Variants in MGAT1 observed in about 807,000 individuals in gnomAD.
The protein encoded by MGAT1 is alpha-1,3-mannosyl-glycoprotein 2-beta-N-acetylglucosaminyltransferase.
A neutral mutation model predicts 31.7 loss-of-function variants in MGAT1; 14 were observed. The observed-to-expected ratio is 0.44, with a 90% CI of 0.29 to 0.69. MGAT1 has a LOEUF of 0.69. Among genes scored for constraint, MGAT1 ranks in the 30% least tolerant of loss-of-function variants. MGAT1 has a pLI of 0.12. For synonymous variants in MGAT1, 338 were observed against 276.0 expected (o/e 1.22, Z -2.23); for missense variants, 557 against 626.0 (o/e 0.89, Z 1.18).
upstream of MGAT1, among the ~76,000 whole-genome samples, chr5:180,806,773 G>C (rs1207210489): frequency 2.6e-5 from 4 of 152,208 alleles, no homozygotes; most frequent in Non-Finnish European, 5.9e-5. Context: ...CGTGATAGAA[G>C]CATTACGCAA....
chr5:180,808,102 C>T (rs1046833882), intron 2 of MGAT1, among the ~76,000 whole-genome samples: 2 of 152,196 alleles, frequency 1.3e-5, no homozygotes, highest in Non-Finnish European at 2.9e-5. Flanking sequence ...CACAAGTACT[C>T]CTTCCTGACC....
In MGAT1 at chr5:180,789,244, A is replaced by G. The variant is rs1333655359; in HGVS notation, c.*2390T>C. The G allele has an allele frequency of 1.3e-5, 2 of 152,284 alleles. No homozygotes were observed. Among genetic ancestry groups the G allele is most frequent in the African/African-American group, 4.8e-5 (2 of 41,472 alleles). The allele number at this position is 152,284 out of a possible 1,614,324, so 9.4% of individuals were successfully genotyped here. ...TGCCACCATCTGGTGTCGAGCTCCA[A>G]AGTAGTTTCTGCCAAGAAAGTTGCC... On this transcript the variant is annotated 3_prime_UTR_variant, in exon 2 of 2. Coordinates refer to ENST00000307826, the MANE Select transcript of MGAT1 (RefSeq NM_002406.4).
At chr5:180,796,710 C>G (rs978336391) in intron 1 of MGAT1, among the ~76,000 whole-genome samples, 1 of 152,270 alleles carries the variant, frequency 6.6e-6, no homozygotes, top group South Asian at 2.1e-4. Flanking sequence ...CTCCCAGGCT[C>G]AAGCGACTCT....
At chr5:180,797,637 A>T (rs1159073776) in intron 1 of MGAT1, among the ~76,000 whole-genome samples, 1 of 152,124 alleles carries the variant, frequency 6.6e-6, no homozygotes, top group Non-Finnish European at 1.5e-5. Context: ...TGCAGAGCAA[A>T]CCAGTCTTCT....
At chr5:180,809,823 T>A (rs1343416041) in intron 1 of MGAT1, 3 of 127,792 alleles carry the variant, frequency 2.3e-5, no homozygotes, top group Admixed American at 1.6e-4. Context: ...CACACATCCA[T>A]CCACACACAC....
Position 180,792,558 on chromosome 5 carries a change from G to A in MGAT1, c.414C>T (p.Ile138=), listed in dbSNP as rs375561764. Residue 138 remains isoleucine, a synonymous_variant, in exon 2 of 2, where the codon ATC becomes ATT. Coordinates refer to ENST00000307826, the MANE Select transcript of MGAT1 (RefSeq NM_002406.4). The stretch of plus-strand genomic sequence containing the variant: ...CCTCGTGCCCGCAGTCCTGGCTAAC[G>A]ATGATGGGGAAGAGCTCAGCCGAGG... ...YRPSAELFPI[I]VSQDCGHEET... The A allele has an allele frequency of 5.6e-6, 9 of 1,612,574 alleles. No homozygotes were observed. The highest frequency in any genetic ancestry group is 6.8e-6 in the Non-Finnish European group (8 of 1,179,786).
chr5:180,791,982 C>G lies in MGAT1; in HGVS notation c.990G>C (p.Lys330Asn). ...CAAACTGCTGGTTCAGCTTGATAAA[C>G]TTGAGGTGCTGGTCAAAGAACTGCC... is the stretch of plus-strand genomic sequence containing the variant. ...SHGQFFDQHL[K>N]FIKLNQQFVH... The change falls in exon 2 of 2, where the codon AAG (lysine) becomes AAC (asparagine). Residue 330 changes from lysine to asparagine, a missense_variant. Physicochemically the swap from Lys to Asn is moderately conservative, Grantham distance 94. Around this residue, in one of 3 missense-constraint regions of MGAT1, gnomAD observed 245 missense variants for 332.9 expected, o/e 0.74. Coordinates refer to ENST00000307826, the MANE Select transcript of MGAT1 (RefSeq NM_002406.4). 6.2e-7 allele frequency: 1 copy of G among 1,614,212 alleles called. No individual in the cohort carries two copies. The highest frequency in any genetic ancestry group is 8.5e-7 in the Non-Finnish European group (1 of 1,180,050).
intron 1 of MGAT1, chr5:180,810,305 C>T (rs114287048): frequency 0.03 from 4,625 of 152,442 alleles, 117 homozygotes; most frequent in Non-Finnish European, 0.043. Flanking sequence ...ACCGCCACCA[C>T]GGGAGCGAGG....
chr5:180,801,073 G>C (rs1581873280), intron 1 of MGAT1, among the ~76,000 whole-genome samples: 1 of 152,216 alleles, frequency 6.6e-6, no homozygotes, highest in Admixed American at 6.5e-5. Flanking sequence ...AGGTGGCTCT[G>C]GGTAGGCGCC....
At chr5:180,798,982 T>C (rs1770104253) in intron 1 of MGAT1, among the ~76,000 whole-genome samples, 1 of 152,208 alleles carries the variant, frequency 6.6e-6, no homozygotes, top group Non-Finnish European at 1.5e-5. Flanking sequence ...CCTGAACTCA[T>C]TCCTTCGTAG....
chr5:180,806,278 C>G (rs941360666), upstream of MGAT1, among the ~76,000 whole-genome samples: 2 of 152,072 alleles, frequency 1.3e-5, no homozygotes, highest in African/African-American at 4.8e-5. Context: ...GAGCAAGACT[C>G]TGTCTCAAAA....
chr5:180,804,528 G>A (rs1361163763), upstream of MGAT1, among the ~76,000 whole-genome samples: 3 of 152,254 alleles, frequency 2.0e-5, no homozygotes, highest in Non-Finnish European at 4.4e-5. Flanking sequence ...CACTGTGGCA[G>A]GAGCCTCGAA....
chr5:180,791,911 T>C lies in MGAT1; in HGVS notation c.1061A>G (p.Tyr354Cys). ...LDLSYLQREA[Y>C]DRDFLARVYG... is the part of the protein sequence containing the mutation. ...GACGCGGGCGAGGAAATCTCGGTCA[T>C]AGGCCTCCCGCTGCAGGTAAGACAG... Residue 354 changes from tyrosine to cysteine, a missense_variant, in exon 2 of 2, where the codon TAT becomes TGT. Transcript: ENST00000307826. The C allele has an allele frequency of 6.2e-7, 1 of 1,614,188 alleles. No individual in the cohort carries two copies. The highest frequency in any genetic ancestry group is 8.5e-7 in the Non-Finnish European group (1 of 1,180,038).
At chr5:180,802,421 G>T (rs1380318544) in intron 1 of MGAT1, among the ~76,000 whole-genome samples, 1 of 152,084 alleles carries the variant, frequency 6.6e-6, no homozygotes, top group Admixed American at 6.5e-5. Flanking sequence ...ATCCTCCCCA[G>T]TCCGCGGAGC....
chr5:180,791,359 T>A lies in MGAT1; in HGVS notation c.*275A>T. On this transcript the variant is annotated 3_prime_UTR_variant, in exon 2 of 2. Coordinates refer to ENST00000307826, the MANE Select transcript of MGAT1 (RefSeq NM_002406.4). ...AGGAGAAAGCTCAGGACGTGGACAT[T>A]TCTGGCCCCAACAAGCCCAGTGCCC... 1.9e-6 allele frequency: 1 copy of A among 528,994 alleles called. No homozygotes were observed. The highest frequency in any genetic ancestry group is 3.4e-6 in the Non-Finnish European group (1 of 297,304). The allele number at this position is 528,994 out of a possible 1,614,324, so 32.8% of individuals were successfully genotyped here.
chr5:180,792,690 C>G lies in MGAT1; in HGVS notation c.282G>C (p.Gln94His). ...GRVPTAAPPAQPRVPVTPAPA... is the reference protein window; with the variant it reads ...GRVPTAAPPAHPRVPVTPAPA... ...GCGCGGGGGTCACAGGCACACGCGG[C>G]TGGGCGGGAGGGGCCGCGGTGGGCA... Residue 94 changes from glutamine to histidine, a missense_variant, in exon 2 of 2, where the codon CAG becomes CAC. Around this residue, in one of 3 missense-constraint regions of MGAT1, gnomAD observed 167 missense variants for 149.8 expected, o/e 1.11. Transcript: ENST00000307826. 2.6e-6 allele frequency: 4 copies of G among 1,561,164 alleles called. No individual in the cohort carries two copies. Among genetic ancestry groups the G allele is most frequent in the Non-Finnish European group, 3.5e-6 (4 of 1,155,060 alleles).
rs749985633 is a variant in MGAT1 at position 180,792,873 on chromosome 5, T to C, written c.99A>G (p.Ala33=). The C allele has an allele frequency of 2.5e-6, 4 of 1,586,878 alleles. No homozygotes were observed. Among genetic ancestry groups the C allele is most frequent in the Admixed American group, 1.8e-5 (1 of 55,698 alleles). ...LLLLFFWTRP[A]PGRPPSVSAL... Reference sequence around the variant, plus strand: ...CGCTGACTGAGGGTGGCCTGCCAGGTGCTGGGCGCGTCCAGAAGAAGAGGA... The same window carrying C: ...CGCTGACTGAGGGTGGCCTGCCAGGCGCTGGGCGCGTCCAGAAGAAGAGGA... Residue 33 remains alanine, a synonymous_variant, in exon 2 of 2, where the codon GCA becomes GCG. Coordinates refer to ENST00000307826, the MANE Select transcript of MGAT1 (RefSeq NM_002406.4).
rs1183965942 is a variant in MGAT1, at chr5:180,791,690, G to A, written c.1282C>T (p.Arg428Cys). The A allele has an allele frequency of 3.1e-6, 5 of 1,613,840 alleles. No individual in the cohort carries two copies. The highest frequency in any genetic ancestry group is 4.2e-6 in the Non-Finnish European group (5 of 1,180,000). The change falls in exon 2 of 2, where the codon CGT becomes TGT. Residue 428 changes from arginine to cysteine, a missense_variant. Arg to Cys is a radical substitution (Grantham distance 180, BLOSUM62 -3). Transcript: ENST00000307826. ...GTCAGTGGGGGCGCCAGGTGGACAC[G>A]GCGGCCCCGGAACTGGAAGGTGACA... ...GIVTFQFRGR[R>C]VHLAPPLTWE... is the part of the protein sequence containing the mutation.
intron 1 of MGAT1, among the ~76,000 whole-genome samples, chr5:180,794,127 C>T (rs1052343530): frequency 6.6e-6 from 1 of 151,832 alleles, no homozygotes; most frequent in African/African-American, 2.4e-5. Context: ...ACCTGCAATC[C>T]CAGCACTTTG....
Sources: allele counts gnomAD v4.1 joint callset (sites outside exome capture counted in the v4.1 genomes callset), GRCh38; gene constraint gnomAD v4.1.1; regional missense constraint gnomAD v4.1.1; transcripts MANE v1.5; gene names NCBI Gene and HGNC (gene_info 2026-07-23, HGNC 2026-07-21).